The following KSR1 variants were observed in gnomAD, a reference collection of about 807,000 sequenced individuals.
KSR1 encodes kinase suppressor of ras.
In KSR1, 35 loss-of-function variants were observed where a neutral mutation model predicts 92.9. The observed-to-expected ratio is 0.38, with a 90% CI of 0.29 to 0.50. KSR1 has a LOEUF of 0.50. Ranked by LOEUF, KSR1 falls within the 20% of genes least tolerant of loss-of-function variation. The pLI is 0.94. For missense variants in KSR1, 972 were observed against 1,158.5 expected (o/e 0.84, Z 2.34); for synonymous variants, 467 against 472.6 (o/e 0.99, Z 0.15).
intron 1 of KSR1, among the ~76,000 whole-genome samples, chr17:27,496,983 C>T (rs182606152): frequency 6.6e-6 from 1 of 152,288 alleles, no homozygotes; most frequent in East Asian, 1.9e-4. Context: ...TTTCTTTTTG[C>T]GTAAGCAGAA....
chr17:27,488,924 A>G (rs553295462), intron 1 of KSR1, among the ~76,000 whole-genome samples: 6 of 152,366 alleles, frequency 3.9e-5, no homozygotes, highest in African/African-American at 7.2e-5. Context: ...AGAATGTGCC[A>G]CTGCACTCCA....
intron 1 of KSR1, among the ~76,000 whole-genome samples, chr17:27,515,026 T>C (rs536057681): frequency 1.3e-5 from 2 of 152,254 alleles, no homozygotes; most frequent in African/African-American, 2.4e-5. Flanking sequence ...CACATTGTTA[T>C]TTGAACAAAA....
In KSR1 at chr17:27,605,775, G is replaced by T; in HGVS notation, c.1956G>T (p.Gly652=). 1 of 1,612,706 alleles carries T rather than the reference G, an allele frequency of 6.2e-7. No individual in the cohort carries two copies. Among genetic ancestry groups the T allele is most frequent in the Non-Finnish European group, 8.5e-7 (1 of 1,179,826 alleles). The change falls in exon 14 of 21, where the codon GGG becomes GGT. Residue 652 remains glycine (G), a synonymous_variant. Transcript: ENST00000644974. The part of the protein sequence containing the change: ...TRHENVVLFM[G]ACMNPPHLAI... ...ATGAGAACGTGGTGCTCTTCATGGG[G>T]GCCTGCATGAACCCGCCCCACCTGG...
At chr17:27,614,436 C>T (rs1398544500) in intron 18 of KSR1, among the ~76,000 whole-genome samples, 1 of 152,204 alleles carries the variant, frequency 6.6e-6, no homozygotes, top group African/African-American at 2.4e-5. Context: ...TTCCTTTCTG[C>T]ATACTTAGCA....
At chr17:27,523,924 A>G (rs2070143073) in intron 1 of KSR1, among the ~76,000 whole-genome samples, 1 of 152,196 alleles carries the variant, frequency 6.6e-6, no homozygotes, top group Non-Finnish European at 1.5e-5. Flanking sequence ...GCCTGCAAGG[A>G]AGGATGGAAA....
intron 1 of KSR1, chr17:27,527,156 A>G: frequency 3.6e-6 from 1 of 277,650 alleles, no homozygotes. Context: ...TTCTACTAAA[A>G]TCAGCAGGGT....
At chr17:27,501,757 C>T (rs1748730841) in intron 1 of KSR1, among the ~76,000 whole-genome samples, 1 of 152,226 alleles carries the variant, frequency 6.6e-6, no homozygotes, top group Non-Finnish European at 1.5e-5. Flanking sequence ...CCTCGGCCTC[C>T]CAAAGTGCTG....
At chr17:27,616,771 C>T (rs542916924) in intron 18 of KSR1, among the ~76,000 whole-genome samples, 1 of 152,308 alleles carries the variant, frequency 6.6e-6, no homozygotes, top group African/African-American at 2.4e-5. Context: ...CAGCAAAATG[C>T]CACAGCAAGA....
chr17:27,476,303 A>C lies in KSR1; in HGVS notation c.231+19429A>C, dbSNP rs374570192. On this transcript the variant is annotated intron_variant, in intron 1 of 20. Transcript: ENST00000644974. ...CAGGTTCTCTGCAGGGCGCTTGTTG[A>C]GCCAGTCCCAGATTCTGCTGAGAAA... Among the ~76,000 whole-genome samples the C allele has an allele frequency of 2.6e-5, 4 of 152,316 alleles. 1 individual carries two copies. The highest frequency in any genetic ancestry group is 1.3e-4 in the Admixed American group (2 of 15,306).
chr17:27,476,559 T>C (rs548930815), intron 1 of KSR1, among the ~76,000 whole-genome samples: 1 of 152,232 alleles, frequency 6.6e-6, no homozygotes, highest in East Asian at 1.9e-4. Context: ...TGTGGGCTCA[T>C]CTCCTGGGTG....
At chr17:27,504,414 G>T (rs914634805) in intron 1 of KSR1, among the ~76,000 whole-genome samples, 2 of 152,200 alleles carry the variant, frequency 1.3e-5, no homozygotes, top group Admixed American at 1.3e-4. Context: ...AGTGAGTTGG[G>T]ATATGGGGGG....
chr17:27,615,926 C>T (rs2074041622), intron 18 of KSR1, among the ~76,000 whole-genome samples: 1 of 152,190 alleles, frequency 6.6e-6, no homozygotes, highest in South Asian at 2.1e-4. Context: ...GGATTTTGCC[C>T]TGCTGTCTAC....
chr17:27,536,593 G>A (rs993990029), intron 1 of KSR1, among the ~76,000 whole-genome samples: 8 of 152,154 alleles, frequency 5.3e-5, no homozygotes, highest in African/African-American at 9.7e-5. Context: ...TTCGCTTCCC[G>A]CCCCATGCCT....
chr17:27,554,502 C>A (rs951994245), intron 2 of KSR1, among the ~76,000 whole-genome samples: 2 of 152,172 alleles, frequency 1.3e-5, no homozygotes, highest in East Asian at 1.9e-4. Context: ...GGAGCACAAA[C>A]CCTGTTGTGA....
intron 20 of KSR1, among the ~76,000 whole-genome samples, 177 bp downstream of exon 20, chr17:27,621,450 A>G (rs1048375945): frequency 3.3e-5 from 5 of 152,006 alleles, no homozygotes; most frequent in Non-Finnish European, 5.9e-5. Context: ...ACAGGCTTGC[A>G]TTTTTCGCTG....
chr17:27,622,149 T>A (rs911362390), intron 20 of KSR1: 44 of 591,280 alleles, frequency 7.4e-5, no homozygotes, highest in Non-Finnish European at 1.3e-4. Flanking sequence ...CCCAAGTAAC[T>A]GCTCTCAGAG....
At chr17:27,571,199 A>G (rs1468912161) in intron 2 of KSR1, among the ~76,000 whole-genome samples, 1 of 152,086 alleles carries the variant, frequency 6.6e-6, no homozygotes, top group African/African-American at 2.4e-5. Context: ...CTGGGCCCGG[A>G]ACTGGCCACA....
chr17:27,546,364 G>A (rs1034028185), intron 1 of KSR1, among the ~76,000 whole-genome samples: 1 of 152,180 alleles, frequency 6.6e-6, no homozygotes, highest in African/African-American at 2.4e-5. Context: ...TTACAGGTGG[G>A]TGAACTGAGA....
intron 1 of KSR1, among the ~76,000 whole-genome samples, chr17:27,520,145 A>G (rs944016601): frequency 2.0e-4 from 30 of 152,218 alleles, no homozygotes; most frequent in African/African-American, 7.0e-4. Context: ...TTCCCATTTG[A>G]CAGACACCAA....
Sources: gnomAD v4.1 joint callset for allele counts (sites outside exome capture counted in the v4.1 genomes callset) on GRCh38, gnomAD v4.1.1 for gene constraint, MANE v1.5 for transcripts, NCBI Gene and HGNC (gene_info 2026-07-23, HGNC 2026-07-21) for gene names.